KIF26B: variants seen among roughly 807,000 people sequenced by gnomAD.
KIF26B encodes the protein kinesin-like protein KIF26B.
A neutral mutation model predicts 151.2 loss-of-function variants in KIF26B; 63 were observed. That is an observed-to-expected ratio of 0.42 (90% CI 0.34 to 0.51). The LOEUF (loss-of-function observed/expected upper bound fraction) is 0.51, where lower values mean the gene tolerates loss of function less well. KIF26B is among the 20% of genes least tolerant of loss of function. The pLI is 0.07. For missense variants in KIF26B, 2,813 were observed against 2,913.6 expected, an observed-to-expected ratio of 0.97 and a Z score of 0.79; for synonymous variants, 1,357 against 1,262.1, an observed-to-expected ratio of 1.08 and a Z score of -1.59.
chr1:245,475,005 T>G (rs6665557), intron 4 of KIF26B, among the ~76,000 whole-genome samples: 151,460 of 151,848 alleles, frequency 1, 75,540 homozygotes, highest in Non-Finnish European at 1. Flanking sequence ...AAATTGGGGG[T>G]ATGAAAGGTT....
At chr1:245,577,692 C>T (rs1254064544) in intron 5 of KIF26B, among the ~76,000 whole-genome samples, 3 of 141,784 alleles carry the variant, frequency 2.1e-5, no homozygotes, top group East Asian at 2.2e-4. Flanking sequence ...TGTGGAACTC[C>T]GGGCGATGCA....
intron 9 of KIF26B, among the ~76,000 whole-genome samples, chr1:245,615,505 T>C (rs1290808463): frequency 6.6e-6 from 1 of 152,182 alleles, no homozygotes; most frequent in Non-Finnish European, 1.5e-5. Context: ...GGCCAAGACA[T>C]TCCCTAAACC....
At position 245,363,445 on chromosome 1, in the gene KIF26B, C is replaced by T. The variant is rs191129198; in HGVS notation, c.466-3389C>T. 8.6e-3 allele frequency among the ~76,000 whole-genome samples: 1,312 copies of T among 152,332 alleles called. 12 individuals carry two copies. The highest frequency in any genetic ancestry group is 0.014 in the Non-Finnish European group (960 of 68,028). The stretch of plus-strand genomic sequence containing the variant: ...TCCTGACCTCAGGTAATCCACCCAC[C>T]TCAGCCTCCCAAAGTGCTGGGGTTA... On this transcript the variant is annotated intron_variant, in intron 2 of 14. Coordinates refer to ENST00000407071, the MANE Select transcript of KIF26B (RefSeq NM_018012.4).
In KIF26B at chr1:245,155,316, TGAG is replaced by T; in HGVS notation, c.-107_-105del. On this transcript the variant is annotated 5_prime_UTR_variant, in exon 1 of 15. Coordinates refer to ENST00000407071, the MANE Select transcript of KIF26B (RefSeq NM_018012.4). ...CCCCACCGCTGAAGAAACCTTGCCC[TGAG>T]GGCTGAGAGCCAGCCCCCTGCAGCC... The T allele has an allele frequency of 1.2e-6, 1 of 867,444 alleles. No individual in the cohort carries two copies. Among genetic ancestry groups the T allele is most frequent in the South Asian group, 1.5e-5 (1 of 66,404 alleles). 53.7% of individuals were successfully genotyped at this position (867,444 alleles called of 1,614,324 possible).
chr1:245,562,752 G>T (rs12084583), intron 5 of KIF26B, among the ~76,000 whole-genome samples: 20,308 of 152,054 alleles, frequency 0.13, 1,805 homozygotes, highest in African/African-American at 0.25. Flanking sequence ...CTGTCACCCA[G>T]GCTGGAGGGC....
chr1:245,598,995 G>A (rs1051030166), intron 5 of KIF26B, among the ~76,000 whole-genome samples: 1 of 152,188 alleles, frequency 6.6e-6, no homozygotes, highest in Middle Eastern at 3.4e-3. Context: ...CTTTGAGCCC[G>A]AGAGCTGGGG....
At chr1:245,401,949 C>CA (rs1267570293) in intron 3 of KIF26B, among the ~76,000 whole-genome samples, 27 of 151,706 alleles carry the variant, frequency 1.8e-4, no homozygotes, top group South Asian at 6.3e-4. Flanking sequence ...ACAACAACAA[C>CA]AAAAAAAACA....
At chr1:245,365,973 T>C (rs369783424) in intron 2 of KIF26B, among the ~76,000 whole-genome samples, 5 of 152,272 alleles carry the variant, frequency 3.3e-5, no homozygotes, top group African/African-American at 1.2e-4. Flanking sequence ...TCTCACTGAA[T>C]CCATTAAATG....
intron 2 of KIF26B, among the ~76,000 whole-genome samples, chr1:245,273,068 T>C (rs553746011): frequency 4.6e-5 from 7 of 152,166 alleles, no homozygotes; most frequent in Non-Finnish European, 8.8e-5. Context: ...CTCTGTTTTT[T>C]TTTTATTAGC....
chr1:245,474,153 G>C (rs534302004), intron 4 of KIF26B, among the ~76,000 whole-genome samples: 52 of 146,062 alleles, frequency 3.6e-4, no homozygotes, highest in African/African-American at 1.3e-3. Flanking sequence ...CTGTCACCCA[G>C]TCTGGAGTGC....
rs2044791720 is a variant in KIF26B at position 245,702,905 on chromosome 1, T to G, written c.*299T>G. 2 of 322,702 alleles carry G rather than the reference T, an allele frequency of 6.2e-6. No homozygotes were observed. Among genetic ancestry groups the G allele is most frequent in the Non-Finnish European group, 1.1e-5 (2 of 178,280 alleles). The allele number at this position is 322,702 out of a possible 1,614,324, so 20.0% of individuals were successfully genotyped here. A position where few individuals can be genotyped will look rare whatever the true frequency, so the allele number is the denominator to read the frequency against. ...GACCTTGTTTGTACATAAGAACTGC[T>G]AGCAAAAGAGACCTCACTCTTCTCT... On this transcript the variant is annotated 3_prime_UTR_variant, in exon 15 of 15. Coordinates refer to ENST00000407071, the MANE Select transcript of KIF26B (RefSeq NM_018012.4). The surrounding 1 kb of genome is among the most constrained non-coding windows in gnomAD (Gnocchi z 4.1).
intron 14 of KIF26B, 78 bp downstream of exon 14, chr1:245,699,115 A>G: frequency 7.0e-7 from 1 of 1,432,998 alleles, no homozygotes; most frequent in Non-Finnish European, 9.6e-7. Flanking sequence ...GCCCAGGGTG[A>G]CAGTGACACA....
chr1:245,668,649 G>T (rs555190394), intron 10 of KIF26B, among the ~76,000 whole-genome samples: 1 of 152,082 alleles, frequency 6.6e-6, no homozygotes, highest in Non-Finnish European at 1.5e-5. Flanking sequence ...GGTGCATTTT[G>T]TGAGAACTGT....
intron 10 of KIF26B, among the ~76,000 whole-genome samples, chr1:245,678,656 GAT>G (rs2044386543): frequency 6.6e-6 from 1 of 152,156 alleles, no homozygotes; most frequent in East Asian, 1.9e-4. Context: ...GAGGTCAGGA[GAT>G]TGAGACCATC....
chr1:245,562,205 G>T (rs1255117778), intron 5 of KIF26B, among the ~76,000 whole-genome samples: 1 of 152,140 alleles, frequency 6.6e-6, no homozygotes, highest in East Asian at 1.9e-4. Context: ...CCTGGGGAGG[G>T]TAGGGAAGGT....
chr1:245,646,047 A>G (rs1364537882), intron 9 of KIF26B, 74 bp from the exon 10 acceptor site: 40 of 1,483,130 alleles, frequency 2.7e-5, no homozygotes, highest in African/African-American at 4.2e-5. Context: ...AGATTTCCCA[A>G]GGAGCTACAT....
chr1:245,586,759 G>A (rs962732027), intron 5 of KIF26B, among the ~76,000 whole-genome samples: 4 of 151,850 alleles, frequency 2.6e-5, no homozygotes, highest in East Asian at 3.9e-4. Context: ...GGTGGCGGGC[G>A]CCTGTAGTCC....
chr1:245,184,050 G>GTTTTTTGTTTTTTTTTTTTTTTTTT (rs1553332272), intron 2 of KIF26B, among the ~76,000 whole-genome samples: 226 of 19,818 alleles, frequency 0.011, 31 homozygotes, highest in South Asian at 0.014. Flanking sequence ...GGGAGTTGTT[G>GTTTTTTGTTTTTTTTTTTTTTTTTT]TTTTTTTTTT....
At chr1:245,331,389 A>G (rs747802926) in intron 2 of KIF26B, among the ~76,000 whole-genome samples, 4 of 152,214 alleles carry the variant, frequency 2.6e-5, no homozygotes, top group Non-Finnish European at 5.9e-5. Context: ...CAAACAACTC[A>G]AGGTGCTCTT....
Sources: allele counts gnomAD v4.1 joint callset (sites outside exome capture counted in the v4.1 genomes callset), GRCh38; gene constraint gnomAD v4.1.1; non-coding constraint Gnocchi (gnomAD v3.1); transcripts MANE v1.5; gene names NCBI Gene and HGNC (gene_info 2026-07-23, HGNC 2026-07-21).